SCHIP1: variants seen among roughly 807,000 people sequenced by gnomAD.
The protein encoded by SCHIP1 is schwannomin interacting protein 1.
Under a neutral mutation model 29.7 loss-of-function variants are expected in SCHIP1, and 8 were observed. The observed-to-expected ratio is 0.27, with a 90% CI of 0.16 to 0.49. The LOEUF (loss-of-function observed/expected upper bound fraction) is 0.49. SCHIP1 is among the 20% of genes least tolerant of loss of function. The pLI is 0.99. For synonymous variants in SCHIP1, 76 were observed against 94.9 expected (o/e 0.80, Z 1.16); for missense variants, 193 against 294.6 (o/e 0.66, Z 2.52).
At chr3:159,516,308 G>A in the SCHIP1 span, among the ~76,000 whole-genome samples, 1 of 151,984 alleles carries the variant, frequency 6.6e-6, no homozygotes, top group African/African-American at 2.4e-5. Flanking sequence ...CACTCCCTTT[G>A]GCCAAGTCTC....
At chr3:159,537,665 A>G in the SCHIP1 span, among the ~76,000 whole-genome samples, 1 of 152,074 alleles carries the variant, frequency 6.6e-6, no homozygotes, top group African/African-American at 2.4e-5. Flanking sequence ...AATCTACTAC[A>G]TGAGTACAGC....
At chr3:159,564,323 C>T in the SCHIP1 span, among the ~76,000 whole-genome samples, 1 of 152,064 alleles carries the variant, frequency 6.6e-6, no homozygotes, top group Non-Finnish European at 1.5e-5. Flanking sequence ...AGCAGCTCTC[C>T]CCATGCTCCA....
chr3:159,837,671 C>T (rs546131555), upstream of SCHIP1, among the ~76,000 whole-genome samples: 6 of 151,736 alleles, frequency 4.0e-5, no homozygotes, highest in African/African-American at 1.2e-4. Context: ...TGCAGTGAGC[C>T]GATCACACCA....
At chr3:159,398,276 C>A in the SCHIP1 span, among the ~76,000 whole-genome samples, 1 of 152,120 alleles carries the variant, frequency 6.6e-6, no homozygotes, top group Non-Finnish European at 1.5e-5. Flanking sequence ...ATGCAGAAAT[C>A]ACCCGTCTTC....
At chr3:159,491,317 C>A in the SCHIP1 span, among the ~76,000 whole-genome samples, 1 of 152,228 alleles carries the variant, frequency 6.6e-6, no homozygotes, top group African/African-American at 2.4e-5. Flanking sequence ...ATCGCCTCAC[C>A]CAGGAAGCAC....
the SCHIP1 span, among the ~76,000 whole-genome samples, chr3:159,562,649 C>T: frequency 6.6e-6 from 1 of 152,114 alleles, no homozygotes; most frequent in Non-Finnish European, 1.5e-5. Context: ...TGCCCTAGTC[C>T]GTGCCCAGGA....
At chr3:159,543,181 CTTTTA>C in the SCHIP1 span, among the ~76,000 whole-genome samples, 1 of 150,358 alleles carries the variant, frequency 6.7e-6, no homozygotes, top group Admixed American at 6.6e-5. Context: ...TAGAATGGCA[CTTTTA>C]TTTTTTGTTT....
the SCHIP1 span, among the ~76,000 whole-genome samples, chr3:159,502,205 C>A: frequency 9.8e-5 from 15 of 152,288 alleles, no homozygotes; most frequent in African/African-American, 3.6e-4. Context: ...GACATACTAA[C>A]CTCGTCATAC....
the SCHIP1 span, among the ~76,000 whole-genome samples, chr3:159,281,238 G>C: frequency 1.3e-5 from 2 of 152,194 alleles, no homozygotes; most frequent in Admixed American, 1.3e-4. Flanking sequence ...TGGGATTTTG[G>C]AAGGAAGAGA....
chr3:159,307,708 C>G, the SCHIP1 span, among the ~76,000 whole-genome samples: 8 of 151,936 alleles, frequency 5.3e-5, no homozygotes, highest in African/African-American at 1.9e-4. Flanking sequence ...AGTTTGAGGT[C>G]TTGTATTTAA....
chr3:159,645,087 T>C, the SCHIP1 span, among the ~76,000 whole-genome samples: 1 of 152,188 alleles, frequency 6.6e-6, no homozygotes, highest in Non-Finnish European at 1.5e-5. Flanking sequence ...TTTTATTTCC[T>C]ATTTTATCTA....
chr3:159,731,087 CT>C, the SCHIP1 span, among the ~76,000 whole-genome samples: 1 of 152,170 alleles, frequency 6.6e-6, no homozygotes, highest in Non-Finnish European at 1.5e-5. Flanking sequence ...GATCCCAAAT[CT>C]GTGATTCAGA....
chr3:159,300,000 G>T, the SCHIP1 span, among the ~76,000 whole-genome samples: 1 of 151,948 alleles, frequency 6.6e-6, no homozygotes, highest in African/African-American at 2.4e-5. Context: ...TAGAAGCAGG[G>T]GCCTCAGAAG....
the SCHIP1 span, among the ~76,000 whole-genome samples, chr3:159,642,420 T>A: frequency 6.6e-6 from 1 of 152,082 alleles, no homozygotes; most frequent in African/African-American, 2.4e-5. Flanking sequence ...GACTCCTTAT[T>A]CACATGGCAT....
the SCHIP1 span, among the ~76,000 whole-genome samples, chr3:159,832,073 G>A: frequency 1.3e-5 from 2 of 152,156 alleles, no homozygotes; most frequent in East Asian, 3.9e-4. Flanking sequence ...ATACAACAAA[G>A]CCCCTACAAA....
chr3:159,703,238 C>T, the SCHIP1 span, among the ~76,000 whole-genome samples: 8 of 152,290 alleles, frequency 5.3e-5, no homozygotes, highest in Admixed American at 2.6e-4. Flanking sequence ...AGCATCCCAG[C>T]GCACTTATAG....
chr3:159,369,541 T>TATTACTTATATG, the SCHIP1 span, among the ~76,000 whole-genome samples: 1 of 152,180 alleles, frequency 6.6e-6, no homozygotes, highest in Non-Finnish European at 1.5e-5. Context: ...ATTTATTTGA[T>TATTACTTATATG]ATTACTTATA....
At chr3:159,316,159 T>C in the SCHIP1 span, among the ~76,000 whole-genome samples, 1 of 152,040 alleles carries the variant, frequency 6.6e-6, no homozygotes, top group African/African-American at 2.4e-5. Flanking sequence ...TTAGTCAGGG[T>C]TCTCTTAGAG....
the SCHIP1 span, among the ~76,000 whole-genome samples, chr3:159,461,454 G>A: frequency 6.6e-6 from 1 of 151,956 alleles, no homozygotes; most frequent in Admixed American, 6.6e-5. Flanking sequence ...AGAAAACAAA[G>A]TTGCAAACAA....
Sources: allele counts gnomAD v4.1 joint callset (sites outside exome capture counted in the v4.1 genomes callset), GRCh38; gene constraint gnomAD v4.1.1; transcripts MANE v1.5; gene names NCBI Gene and HGNC (gene_info 2026-07-23, HGNC 2026-07-21).